The following NCOA7 variants were observed in gnomAD, a reference collection of about 807,000 sequenced individuals.
The protein encoded by NCOA7 is nuclear receptor coactivator 7.
In NCOA7, 45 loss-of-function variants were observed where a neutral mutation model predicts 104.3. The observed-to-expected ratio is 0.43, with a 90% CI of 0.34 to 0.55. The LOEUF is 0.55. NCOA7 is among the 20% of genes least tolerant of loss of function. The pLI is 0.02. For missense variants in NCOA7, 1,041 were observed against 1,119.7 expected (o/e 0.93, Z 1.00); for synonymous variants, 398 against 402.3 (o/e 0.99, Z 0.13).
intron 1 of NCOA7, among the ~76,000 whole-genome samples, chr6:125,798,850 T>C (rs1381063035): frequency 1.3e-5 from 2 of 152,220 alleles, no homozygotes; most frequent in African/African-American, 4.8e-5. Flanking sequence ...TTTTGACTTT[T>C]TTAAAGCAAA....
At position 125,928,902 on chromosome 6, in the gene NCOA7, C is replaced by G. The variant is rs1319036269; in HGVS notation, c.*131C>G. The G allele has an allele frequency of 7.2e-6, 7 of 968,682 alleles. No individual in the cohort carries two copies. The highest frequency in any genetic ancestry group is 3.0e-5 in the Admixed American group (1 of 33,340). 60.0% of individuals were successfully genotyped at this position (968,682 alleles called of 1,614,324 possible). On this transcript the variant is annotated 3_prime_UTR_variant, in exon 16 of 16. Transcript: ENST00000392477. The stretch of plus-strand genomic sequence containing the variant: ...CAATGCTTCCTTTCTGCCATCATCT[C>G]AGAGCATGATCACATTGCAGAAAGA...
At chr6:125,924,312 G>T (rs946402634) in intron 13 of NCOA7, among the ~76,000 whole-genome samples, 1 of 152,222 alleles carries the variant, frequency 6.6e-6, no homozygotes, top group Non-Finnish European at 1.5e-5. Flanking sequence ...CTTCCTGTGC[G>T]ATTTGTAAAG....
At chr6:125,871,570 A>G (rs1782910140) in intron 3 of NCOA7, among the ~76,000 whole-genome samples, 1 of 152,246 alleles carries the variant, frequency 6.6e-6, no homozygotes, top group Non-Finnish European at 1.5e-5. Context: ...ACTGTAAAAC[A>G]TAGTATTTGC....
In NCOA7 at chr6:125,922,694, C is replaced by T; in HGVS notation, c.2383C>T (p.Leu795Phe). 6.2e-7 allele frequency: 1 copy of T among 1,612,682 alleles called. No homozygotes were observed. The highest frequency in any genetic ancestry group is 8.5e-7 in the Non-Finnish European group (1 of 1,179,524). The change falls in exon 13 of 16, where the codon CTT becomes TTT. Residue 795 changes from leucine (L) to phenylalanine (F), a missense_variant. Physicochemically the swap from Leu to Phe is conservative, Grantham distance 22. This residue lies in a region of NCOA7 where 914 missense variants were observed against 942.7 expected (regional missense o/e 0.97). Coordinates refer to ENST00000392477, the MANE Select transcript of NCOA7 (RefSeq NM_181782.5). Reference sequence around the variant, plus strand: ...TTTGGCTTTGTAGCTGGCCCGACGCCTTCCTGCAAGGGTGCAAGGGTATCC... The same window carrying T: ...TTTGGCTTTGTAGCTGGCCCGACGCTTTCCTGCAAGGGTGCAAGGGTATCC... The part of the protein sequence containing the change: ...NMHIEQLARR[L>F]PARVQGYPWR...
intron 10 of NCOA7, among the ~76,000 whole-genome samples, chr6:125,899,153 A>G (rs1272858081): frequency 1.3e-5 from 2 of 152,248 alleles, no homozygotes; most frequent in Non-Finnish European, 1.5e-5. Flanking sequence ...TTGATTCCCT[A>G]TTAAACTTGT....
At chr6:125,824,994 C>T (rs1159793694) in intron 2 of NCOA7, among the ~76,000 whole-genome samples, 1 of 152,012 alleles carries the variant, frequency 6.6e-6, no homozygotes, top group Non-Finnish European at 1.5e-5. Flanking sequence ...CGAGATCAAG[C>T]CATTGTACTC....
At chr6:125,895,112 C>A (rs1325810162) in intron 10 of NCOA7, among the ~76,000 whole-genome samples, 2 of 152,058 alleles carry the variant, frequency 1.3e-5, no homozygotes, top group Admixed American at 1.3e-4. Context: ...ACCAATAATT[C>A]TTCTCTAAAG....
intron 10 of NCOA7, among the ~76,000 whole-genome samples, chr6:125,912,337 C>T (rs1047776610): frequency 4.6e-5 from 7 of 151,182 alleles, no homozygotes; most frequent in African/African-American, 1.5e-4. Flanking sequence ...GGTGTTCCCT[C>T]GGAAGTTAGG....
chr6:125,882,058 TAGTC>T (rs1783883819), intron 6 of NCOA7, among the ~76,000 whole-genome samples: 1 of 152,178 alleles, frequency 6.6e-6, no homozygotes, highest in Non-Finnish European at 1.5e-5. Context: ...TTCACCATAT[TAGTC>T]AGGCAGGTCC....
chr6:125,930,362 A>G lies in NCOA7; in HGVS notation c.*1591A>G, dbSNP rs552080424. 1 of 152,500 alleles carries G rather than the reference A, an allele frequency of 6.6e-6. No individual in the cohort carries two copies. The highest frequency in any genetic ancestry group is 2.1e-4 in the South Asian group (1 of 4,830). The allele number at this position is 152,500 out of a possible 1,614,324, so 9.4% of individuals were successfully genotyped here. A position where few individuals can be genotyped will look rare whatever the true frequency, so the allele number is the denominator to read the frequency against. ...ACAGCGAGACTCTGTCTTAAAAATA[A>G]TAACAATAATAATAATAATAAAGAC... is the stretch of plus-strand genomic sequence containing the variant. On this transcript the variant is annotated 3_prime_UTR_variant, in exon 16 of 16. Coordinates refer to ENST00000392477, the MANE Select transcript of NCOA7 (RefSeq NM_181782.5).
At position 125,930,787 on chromosome 6, in the gene NCOA7, T is replaced by C. The variant is rs1788422186; in HGVS notation, c.*2016T>C. 1 of 152,334 alleles carries C rather than the reference T, an allele frequency of 6.6e-6. No individual in the cohort carries two copies. The highest frequency in any genetic ancestry group is 1.5e-5 in the Non-Finnish European group (1 of 68,048). 9.4% of individuals were successfully genotyped at this position (152,334 alleles called of 1,614,324 possible). ...CTCTTGACTAACAGCATACTGGCAG[T>C]TTCACCTTAACCTGCTCGTTAAATA... On this transcript the variant is annotated 3_prime_UTR_variant, in exon 16 of 16. Transcript: ENST00000392477.
chr6:125,803,603 G>A (rs2128555816), intron 1 of NCOA7, among the ~76,000 whole-genome samples: 1 of 152,242 alleles, frequency 6.6e-6, no homozygotes, highest in South Asian at 2.1e-4. Context: ...ATTTTTACAG[G>A]TATGAATGTA....
chr6:125,800,314 A>C (rs1291399016), intron 1 of NCOA7, among the ~76,000 whole-genome samples: 1 of 152,214 alleles, frequency 6.6e-6, no homozygotes. Flanking sequence ...AGTGAAGTTC[A>C]TGTACCACAT....
intron 2 of NCOA7, 75 bp downstream of exon 2, chr6:125,815,479 C>T (rs1355354632): frequency 2.4e-6 from 3 of 1,247,024 alleles, no homozygotes; most frequent in Non-Finnish European, 3.5e-6. Flanking sequence ...TCAAGTATTA[C>T]TTCGCATTTT....
At chr6:125,799,000 G>A (rs532842350) in intron 1 of NCOA7, among the ~76,000 whole-genome samples, 2 of 152,036 alleles carry the variant, frequency 1.3e-5, no homozygotes, top group Non-Finnish European at 2.9e-5. Context: ...GTATAGATCA[G>A]CCCCAAGCCT....
At position 125,928,814 on chromosome 6, in the gene NCOA7, C is replaced by A. The variant is rs767658301; in HGVS notation, c.*43C>A. On this transcript the variant is annotated 3_prime_UTR_variant, in exon 16 of 16. Transcript: ENST00000392477. ...AATATAACATTAAAAAGACTGGGTT[C>A]GATCAGCCCTCCTAAAGCTGGCTGG... 1 of 1,589,218 alleles carries A rather than the reference C, an allele frequency of 6.3e-7. No homozygotes were observed. Among genetic ancestry groups the A allele is most frequent in the South Asian group, 1.2e-5 (1 of 86,356 alleles).
chr6:125,817,689 C>T (rs529352310), intron 2 of NCOA7, among the ~76,000 whole-genome samples: 9 of 152,190 alleles, frequency 5.9e-5, no homozygotes, highest in South Asian at 4.2e-4. Context: ...TATTTTCTCC[C>T]GGACTGTAGT....
chr6:125,793,133 C>G (rs941324788), intron 1 of NCOA7, among the ~76,000 whole-genome samples: 4 of 152,096 alleles, frequency 2.6e-5, no homozygotes, highest in South Asian at 2.1e-4. Context: ...CAGGAACCAA[C>G]AGTGGGAGGG....
chr6:125,830,763 G>A (rs961437977), intron 2 of NCOA7, among the ~76,000 whole-genome samples: 2 of 140,158 alleles, frequency 1.4e-5, no homozygotes, highest in African/African-American at 5.2e-5. Context: ...GTGTGTGTAT[G>A]TGTGTGTGTG....
Sources: gnomAD v4.1 joint callset for allele counts (sites outside exome capture counted in the v4.1 genomes callset) on GRCh38, gnomAD v4.1.1 for gene constraint, gnomAD v4.1.1 regional missense constraint, MANE v1.5 for transcripts, NCBI Gene and HGNC (gene_info 2026-07-23, HGNC 2026-07-21) for gene names.